SEPTIN10: variants seen among roughly 807,000 people sequenced by gnomAD.
The protein encoded by SEPTIN10 is septin 10, also known as septin-10.
Under a neutral mutation model 54.8 loss-of-function variants are expected in SEPTIN10, and 66 were observed. That is an observed-to-expected ratio of 1.21 (90% CI 0.99 to 1.48). SEPTIN10 has a LOEUF of 1.48. SEPTIN10 is among the 40% of genes most tolerant of loss of function. SEPTIN10 has a pLI of 0.00. For missense variants in SEPTIN10, 620 were observed against 545.6 expected, an observed-to-expected ratio of 1.14 and a Z score of -1.36; for synonymous variants, 161 against 181.0, an observed-to-expected ratio of 0.89 and a Z score of 0.89.
chr2:109,581,305 C>T (rs986019060), intron 4 of SEPTIN10, among the ~76,000 whole-genome samples: 10 of 151,962 alleles, frequency 6.6e-5, no homozygotes, highest in Non-Finnish European at 1.5e-4. Context: ...GGTGTCATAG[C>T]GGGCACCTGT....
rs548410405 is a variant in SEPTIN10 at position 109,589,401 on chromosome 2, G to T, written c.100-3563C>A. Among the ~76,000 whole-genome samples the T allele has an allele frequency of 2.8e-4, 42 of 152,168 alleles. 2 individuals carry two copies. The highest frequency in any genetic ancestry group is 8.7e-4 in the African/African-American group (36 of 41,518). ...TACAAAAATAGCTGGGCATGGTGGTGCATGCCTGTAGTCCCAGCTACTCCG... is the reference window on the plus strand; with the variant it reads ...TACAAAAATAGCTGGGCATGGTGGTTCATGCCTGTAGTCCCAGCTACTCCG... On this transcript the variant is annotated intron_variant, in intron 2 of 10. Transcript: ENST00000397712.
chr2:109,570,557 C>G (rs1328896642), intron 5 of SEPTIN10, among the ~76,000 whole-genome samples: 1 of 150,786 alleles, frequency 6.6e-6, no homozygotes, highest in Non-Finnish European at 1.5e-5. Context: ...CGGAGTCTAG[C>G]TCTGTTGCCC....
intron 1 of SEPTIN10, among the ~76,000 whole-genome samples, chr2:109,606,403 G>A (rs1165715398): frequency 2.0e-5 from 3 of 152,004 alleles, no homozygotes; most frequent in Non-Finnish European, 1.5e-5. Context: ...GACAAAGCAA[G>A]ACTCTGTCTC....
At chr2:109,576,957 G>A (rs1321404124) in intron 4 of SEPTIN10, among the ~76,000 whole-genome samples, 1 of 152,000 alleles carries the variant, frequency 6.6e-6, no homozygotes, top group African/African-American at 2.4e-5. Flanking sequence ...AAGAACTGAC[G>A]GACACACTAT....
At chr2:109,602,962 T>C (rs1247459762) in intron 1 of SEPTIN10, among the ~76,000 whole-genome samples, 1 of 150,712 alleles carries the variant, frequency 6.6e-6, no homozygotes, top group East Asian at 2.0e-4. Flanking sequence ...AAACTGATAC[T>C]TGGAAGACTG....
At chr2:109,611,045 C>G (rs148263865) in intron 1 of SEPTIN10, among the ~76,000 whole-genome samples, 1 of 152,274 alleles carries the variant, frequency 6.6e-6, no homozygotes, top group Admixed American at 6.5e-5. Context: ...CAAATATGCT[C>G]AACTGACTTT....
intron 9 of SEPTIN10, chr2:109,552,646 G>C: frequency 6.1e-6 from 1 of 163,584 alleles, no homozygotes; most frequent in South Asian, 1.7e-4. Context: ...TGTGGCAAAT[G>C]TGGCTTACCC....
intron 4 of SEPTIN10, among the ~76,000 whole-genome samples, chr2:109,581,807 C>T (rs1017198223): frequency 9.2e-5 from 14 of 152,276 alleles, no homozygotes; most frequent in African/African-American, 3.1e-4. Context: ...TCACACAGTA[C>T]TTGAAAGTCC....
chr2:109,611,906 T>C (rs911555506), intron 1 of SEPTIN10, among the ~76,000 whole-genome samples: 4 of 152,192 alleles, frequency 2.6e-5, no homozygotes, highest in African/African-American at 9.7e-5. Context: ...ATACAGCCAT[T>C]CTGAGAAAGT....
chr2:109,574,986 A>G (rs1354753924), intron 4 of SEPTIN10, among the ~76,000 whole-genome samples: 1 of 152,262 alleles, frequency 6.6e-6, no homozygotes, highest in African/African-American at 2.4e-5. Flanking sequence ...TGATAAATCC[A>G]TCACATAAGT....
rs1262777898 is a variant in SEPTIN10 at position 109,585,797 on chromosome 2, A to G, written c.141T>C (p.Val47=). Residue 47 remains valine (V), a synonymous_variant, in exon 3 of 11, where the codon GTT becomes GTC. Coordinates refer to ENST00000397712, the MANE Select transcript of SEPTIN10 (RefSeq NM_144710.5). ...NIRSLTMSGH[V]GFESLPDQLV... ...GCTGATCAGGCAAACTCTCAAAACC[A>G]ACATGGCCAGACATAGTCAACGAAC... 2 of 1,613,964 alleles carry G rather than the reference A, an allele frequency of 1.2e-6. No homozygotes were observed. Among genetic ancestry groups the G allele is most frequent in the African/African-American group, 2.7e-5 (2 of 74,936 alleles).
chr2:109,608,362 C>T (rs1168398344), intron 1 of SEPTIN10, among the ~76,000 whole-genome samples: 2 of 152,004 alleles, frequency 1.3e-5, no homozygotes, highest in Non-Finnish European at 2.9e-5. Flanking sequence ...CTATGTAACA[C>T]GCACTCTAAG....
At chr2:109,557,380 T>C (rs1684623856) in intron 8 of SEPTIN10, among the ~76,000 whole-genome samples, 2 of 152,100 alleles carry the variant, frequency 1.3e-5, no homozygotes, top group Non-Finnish European at 2.9e-5. Flanking sequence ...ACTATTTAAT[T>C]CCCACAGCAA....
chr2:109,604,383 A>AGGGG (rs1553449696), intron 1 of SEPTIN10, among the ~76,000 whole-genome samples: 1 of 64,434 alleles, frequency 1.6e-5, no homozygotes, highest in African/African-American at 6.7e-5. Flanking sequence ...AAGGGAAGGG[A>AGGGG]AGGGGAGGGG....
chr2:109,554,676 T>C (rs891814721), intron 8 of SEPTIN10, among the ~76,000 whole-genome samples: 2 of 152,196 alleles, frequency 1.3e-5, no homozygotes, highest in African/African-American at 2.4e-5. Flanking sequence ...TTTTTTCTTA[T>C]CAATGTTACA....
intron 1 of SEPTIN10, among the ~76,000 whole-genome samples, chr2:109,611,593 T>C (rs1331094539): frequency 5.3e-5 from 8 of 151,204 alleles, no homozygotes. Context: ...CCCCTGCCTC[T>C]ACAAAAAATA....
rs1261341459 is a variant in SEPTIN10, at chr2:109,593,057, T to C, written c.93A>G (p.Glu31=). 6.3e-7 allele frequency: 1 copy of C among 1,592,638 alleles called. No individual in the cohort carries two copies. The highest frequency in any genetic ancestry group is 1.8e-5 in the Admixed American group (1 of 56,650). Residue 31 remains glutamate, a synonymous_variant, in exon 2 of 11, where the codon GAA becomes GAG. Transcript: ENST00000397712. ...ATTTAAAAGACATACTCACTATCTG[T>C]TCATCATCTGATCCTTGTGAAGACA... The part of the protein sequence containing the change: ...TCMSSQGSDD[E]QIKRENIRSL...
chr2:109,561,091 T>C (rs1212080246), intron 8 of SEPTIN10, among the ~76,000 whole-genome samples: 1 of 152,062 alleles, frequency 6.6e-6, no homozygotes, highest in Non-Finnish European at 1.5e-5. Context: ...AAGATCAAAA[T>C]CCTCCCCAGG....
chr2:109,545,395 C>T, intron 10 of SEPTIN10: 2 of 1,535,226 alleles, frequency 1.3e-6, no homozygotes, highest in African/African-American at 1.4e-5. Context: ...CCCAAACCTA[C>T]ACGCCTTGCG....
Sources: gnomAD v4.1 joint callset for allele counts (sites outside exome capture counted in the v4.1 genomes callset) on GRCh38, gnomAD v4.1.1 for gene constraint, MANE v1.5 for transcripts, NCBI Gene and HGNC (gene_info 2026-07-23, HGNC 2026-07-21) for gene names.